The following RXRA variants were observed in gnomAD, a reference collection of about 807,000 sequenced individuals.
RXRA encodes retinoic acid receptor RXR-alpha.
A neutral mutation model predicts 44.5 loss-of-function variants in RXRA; 5 were observed. That is an observed-to-expected ratio of 0.11 (90% confidence interval 0.06 to 0.24). The LOEUF is 0.24. Ranked by LOEUF, RXRA falls within the 10% of genes least tolerant of loss-of-function variation. RXRA has a pLI of 1.00. For synonymous variants in RXRA, 291 were observed against 271.4 expected (o/e 1.07, Z -0.71); for missense variants, 412 against 646.5 (o/e 0.64, Z 3.93).
chr9:134,384,082 T>C (rs946573951), intron 1 of RXRA, among the ~76,000 whole-genome samples: 5 of 151,758 alleles, frequency 3.3e-5, no homozygotes, highest in African/African-American at 4.8e-5. Context: ...GTCACTCAGG[T>C]GGGGAGTCCT....
At position 134,333,500 on chromosome 9, in the gene RXRA, G is replaced by T. The variant is rs149535915; in HGVS notation, c.28+6841G>T. Among the ~76,000 whole-genome samples the T allele has an allele frequency of 4.9e-3, 747 of 152,240 alleles. 3 individuals are homozygous for T. The highest frequency in any genetic ancestry group is 0.024 in the Middle Eastern group (7 of 294). On this transcript the variant is annotated intron_variant, in intron 1 of 9. Coordinates refer to ENST00000481739, the MANE Select transcript of RXRA (RefSeq NM_002957.6). ...TGCTGCCGTGCGTGCGGGGTCTGGAGCCTCTGGCGCTGAGGGGAGGGGAGA... is the reference window on the plus strand; with the variant it reads ...TGCTGCCGTGCGTGCGGGGTCTGGATCCTCTGGCGCTGAGGGGAGGGGAGA...
intron 6 of RXRA, chr9:134,424,353 G>A (rs554505043): frequency 1.2e-5 from 12 of 985,328 alleles, no homozygotes; most frequent in East Asian, 2.3e-4. Context: ...GGCTCTTTCC[G>A]GGAGATCTCT....
At chr9:134,401,224 C>G (rs934632355) in intron 1 of RXRA, among the ~76,000 whole-genome samples, 2 of 152,250 alleles carry the variant, frequency 1.3e-5, no homozygotes, top group Non-Finnish European at 2.9e-5. Context: ...TATTCCCAGA[C>G]CTTCACCTTG....
In RXRA at chr9:134,402,039, C is replaced by T. The variant is rs2274452; in HGVS notation, c.279+157C>T. 552 of 671,582 alleles carry T rather than the reference C, an allele frequency of 8.2e-4. 4 individuals carry two copies. In the East Asian group the frequency reaches 0.013, roughly 15 times the overall value. 41.6% of individuals were successfully genotyped at this position (671,582 alleles called of 1,614,324 possible). On this transcript the variant is annotated intron_variant, in intron 2 of 9. Transcript: ENST00000481739. Reference sequence around the variant, plus strand: ...ATACAGAGCCTCGGGGAGCAGAGTGCCGTGGGGGTTTGAGCCCAGGTGGGG... The same window carrying T: ...ATACAGAGCCTCGGGGAGCAGAGTGTCGTGGGGGTTTGAGCCCAGGTGGGG...
At chr9:134,346,263 T>C (rs1338306467) in intron 1 of RXRA, among the ~76,000 whole-genome samples, 1 of 151,466 alleles carries the variant, frequency 6.6e-6, no homozygotes, top group African/African-American at 2.4e-5. Context: ...CTGCCCTCCC[T>C]GCCCTCCCGC....
At chr9:134,394,544 C>T (rs372701053) in intron 1 of RXRA, among the ~76,000 whole-genome samples, 6 of 152,120 alleles carry the variant, frequency 3.9e-5, no homozygotes, top group South Asian at 2.1e-4. Flanking sequence ...TGGCAGCTCG[C>T]GGAGGTCTCT....
chr9:134,364,733 G>A (rs1171722577), intron 1 of RXRA, among the ~76,000 whole-genome samples: 1 of 152,196 alleles, frequency 6.6e-6, no homozygotes. Flanking sequence ...TAACCCTGGG[G>A]TGTTCTGGGA....
At chr9:134,379,611 C>T (rs573011686) in intron 1 of RXRA, 6 of 985,318 alleles carry the variant, frequency 6.1e-6, no homozygotes, top group East Asian at 1.1e-4. Flanking sequence ...CCCTGACAGC[C>T]GCAGGGTCTC....
chr9:134,400,468 C>T (rs2119138652), intron 1 of RXRA, among the ~76,000 whole-genome samples: 1 of 152,354 alleles, frequency 6.6e-6, no homozygotes, highest in South Asian at 2.1e-4. Context: ...GATGGGAAGG[C>T]TGAGGCCCAG....
intron 5 of RXRA, among the ~76,000 whole-genome samples, chr9:134,420,955 C>T (rs766365848): frequency 3.3e-5 from 5 of 152,256 alleles, no homozygotes; most frequent in African/African-American, 4.8e-5. Context: ...GGCTCCTGCC[C>T]TCCTGAGCTC....
intron 7 of RXRA, among the ~76,000 whole-genome samples, chr9:134,431,303 C>G (rs942163985): frequency 1.3e-5 from 2 of 152,236 alleles, no homozygotes; most frequent in Non-Finnish European, 2.9e-5. Context: ...CAAGAACGCC[C>G]CCAGCGTCTC....
chr9:134,348,618 C>G (rs1830183334), intron 1 of RXRA, among the ~76,000 whole-genome samples: 1 of 152,218 alleles, frequency 6.6e-6, no homozygotes, highest in African/African-American at 2.4e-5. Context: ...GAACAGCCAC[C>G]CTGCTGTGGC....
At chr9:134,398,999 C>G (rs1160311247) in intron 1 of RXRA, among the ~76,000 whole-genome samples, 2 of 152,272 alleles carry the variant, frequency 1.3e-5, no homozygotes, top group Non-Finnish European at 2.9e-5. Flanking sequence ...CAGTGTTTCC[C>G]TGGATTGGCT....
intron 1 of RXRA, among the ~76,000 whole-genome samples, chr9:134,360,786 A>T (rs1331535260): frequency 6.6e-6 from 1 of 152,034 alleles, no homozygotes; most frequent in Non-Finnish European, 1.5e-5. Flanking sequence ...GACTCATTGG[A>T]TTGAGGGACT....
At chr9:134,413,564 G>T (rs1831186252) in intron 4 of RXRA, among the ~76,000 whole-genome samples, 1 of 152,172 alleles carries the variant, frequency 6.6e-6, no homozygotes, top group South Asian at 2.1e-4. Flanking sequence ...GTGGAGTTCG[G>T]TCCTGCCTGT....
intron 4 of RXRA, among the ~76,000 whole-genome samples, chr9:134,409,708 C>G (rs562765006): frequency 2.2e-4 from 33 of 152,356 alleles, no homozygotes; most frequent in Non-Finnish European, 3.8e-4. Context: ...CTCAGTTTCC[C>G]CATCTGTCAC....
chr9:134,378,913 AGATTGTCCTGCT>A (rs1830598140), intron 1 of RXRA, among the ~76,000 whole-genome samples: 1 of 152,220 alleles, frequency 6.6e-6, no homozygotes, highest in Admixed American at 6.5e-5. Context: ...TCCTCAAGTC[AGATTGTCCTGCT>A]TCATCCTGTG....
chr9:134,422,994 C>T (rs1831373118), intron 6 of RXRA: 2 of 985,382 alleles, frequency 2.0e-6, no homozygotes, highest in Admixed American at 6.1e-5. Context: ...ACGCGCATCA[C>T]ACTCCCCGTG....
chr9:134,353,087 C>T (rs868965767), intron 1 of RXRA, among the ~76,000 whole-genome samples: 1 of 151,982 alleles, frequency 6.6e-6, no homozygotes, highest in Non-Finnish European at 1.5e-5. Flanking sequence ...ACAGGGTCCC[C>T]TTCTGGAGGG....
Sources: allele counts gnomAD v4.1 joint callset (sites outside exome capture counted in the v4.1 genomes callset), GRCh38; gene constraint gnomAD v4.1.1; transcripts MANE v1.5; gene names NCBI Gene and HGNC (gene_info 2026-07-23, HGNC 2026-07-21).